PLEKHG2: variants seen among roughly 807,000 people sequenced by gnomAD.
PLEKHG2 encodes the protein pleckstrin homology and RhoGEF domain containing G2.
PLEKHG2 carries 71 observed loss-of-function variants against 104.4 expected under a neutral mutation model. That is an observed-to-expected ratio of 0.68 (90% CI 0.56 to 0.83). PLEKHG2 has a LOEUF of 0.83. Ranked by LOEUF, PLEKHG2 falls within the 40% of genes least tolerant of loss-of-function variation. The probability of loss-of-function intolerance (pLI) is 0.00; values close to 1 mark genes in which losing one functional copy is unlikely to be tolerated. For missense variants in PLEKHG2, 1,730 were observed against 1,809.4 expected, an observed-to-expected ratio of 0.96 and a Z score of 0.80; for synonymous variants, 728 against 737.0, an observed-to-expected ratio of 0.99 and a Z score of 0.20.
At chr19:39,419,510 G>A (rs1453991116) in intron 11 of PLEKHG2, among the ~76,000 whole-genome samples, 6 of 152,222 alleles carry the variant, frequency 3.9e-5, no homozygotes, top group African/African-American at 1.4e-4. Flanking sequence ...GGGAGACCAA[G>A]GCGGGCGGAT....
chr19:39,414,026 C>T (rs2078561431), intron 1 of PLEKHG2, 39 bp from the exon 2 acceptor site: 16 of 1,431,874 alleles, frequency 1.1e-5, no homozygotes, highest in Non-Finnish European at 1.5e-5. Flanking sequence ...CGGAGAGGCC[C>T]ATGGGGTCCT....
rs1438856742 is a variant in PLEKHG2, at chr19:39,423,985, C to T, written c.2852C>T (p.Ala951Val). Residue 951 changes from alanine (A) to valine (V), a missense_variant, in exon 19 of 19, where the codon GCC becomes GTC. Transcript: ENST00000425673. The stretch of plus-strand genomic sequence containing the variant: ...GGTTCCCGGCATGTCCAGGCTCCAG[C>T]CGCCACACCTTTGCCCAAGCAAGAA... ...QGGSRHVQAP[A>V]ATPLPKQEGP... 2.5e-6 allele frequency: 4 copies of T among 1,614,098 alleles called. No homozygotes were observed. Among genetic ancestry groups the T allele is most frequent in the Non-Finnish European group, 3.4e-6 (4 of 1,179,984 alleles).
rs890014276 is a variant in PLEKHG2 at position 39,417,833 on chromosome 19, T to C, written c.883-72T>C. On this transcript the variant is annotated intron_variant, in intron 8 of 18. Transcript: ENST00000425673. ...ATGGCCCTGTTGCTAACCCCCTGTT[T>C]TGGTGTGTATGTGTGTGCCACCTAC... The C allele has an allele frequency of 7.3e-6, 11 of 1,498,352 alleles. No homozygotes were observed. In the South Asian group the frequency reaches 9.1e-5, roughly 12 times the overall value. 92.8% of individuals were successfully genotyped at this position (1,498,352 alleles called of 1,614,324 possible). A position where few individuals can be genotyped will look rare whatever the true frequency, so the allele number is the denominator to read the frequency against.
At chr19:39,414,516 G>A (rs1247736440) in intron 2 of PLEKHG2, among the ~76,000 whole-genome samples, 1 of 152,226 alleles carries the variant, frequency 6.6e-6, no homozygotes, top group African/African-American at 2.4e-5. Context: ...GCAAGGAACA[G>A]CATGTGCAAA....
In PLEKHG2 at chr19:39,415,108, A is replaced by C; in HGVS notation, c.226A>C (p.Arg76=). ...GCCCACTCCAGCCTGCTCAGCCTCC[A>C]GGCCAGAGCCCCTTCCAGGGCCTCC... is the stretch of plus-strand genomic sequence containing the variant. ...PGPTPACSAS[R]PEPLPGPPIR... is the part of the protein sequence containing the mutation. The change falls in exon 3 of 19, where the codon AGG becomes CGG. Residue 76 remains arginine (R), a synonymous_variant. Transcript: ENST00000425673. The surrounding 1 kb of genome is among the most constrained non-coding windows in gnomAD (Gnocchi z 4.6). 6.3e-7 allele frequency: 1 copy of C among 1,596,286 alleles called. No homozygotes were observed. Among genetic ancestry groups the C allele is most frequent in the Non-Finnish European group, 8.5e-7 (1 of 1,171,414 alleles).
At chr19:39,414,858 T>G in intron 2 of PLEKHG2, 134 bp from the exon 3 acceptor site, 1 of 1,029,348 alleles carries the variant, frequency 9.7e-7, no homozygotes, top group African/African-American at 1.6e-5. Flanking sequence ...GACAGGGCAG[T>G]GGGGAGAGGA....
rs778744974 is a variant in PLEKHG2 at position 39,415,401 on chromosome 19, G to A, written c.441G>A (p.Thr147=). ...GGCTGAGCGTGGAGCAGGTGGGCAC[G>A]CTGTTTGCCAACATTGAGGACATCT... ...VLGLSVEQVG[T]LFANIEDIYE... The change falls in exon 4 of 19, where the codon ACG becomes ACA. Residue 147 remains threonine (T), a synonymous_variant. Coordinates refer to ENST00000425673, the MANE Select transcript of PLEKHG2 (RefSeq NM_022835.3). The surrounding 1 kb of genome is among the most constrained non-coding windows in gnomAD (Gnocchi z 4.6). 154 of 1,614,034 alleles carry A rather than the reference G, an allele frequency of 9.5e-5. No individual in the cohort carries two copies. Among genetic ancestry groups the A allele is most frequent in the Middle Eastern group, 1.6e-4 (1 of 6,084 alleles).
rs1485353795 is a variant in PLEKHG2 at position 39,424,513 on chromosome 19, C to A, written c.3380C>A (p.Ala1127Asp). 1.2e-6 allele frequency: 2 copies of A among 1,614,144 alleles called. No homozygotes were observed. Among genetic ancestry groups the A allele is most frequent in the Non-Finnish European group, 1.7e-6 (2 of 1,180,032 alleles). The change falls in exon 19 of 19, where the codon GCC becomes GAC. Residue 1127 changes from alanine to aspartate, a missense_variant. Transcript: ENST00000425673. The part of the protein sequence containing the change: ...SHLDHRIPAN[A>D]PLSLSQELPD... Reference sequence around the variant, plus strand: ...CTGGACCATCGGATCCCAGCCAACGCCCCACTGTCTTTGTCCCAGGAGCTC... The same window carrying A: ...CTGGACCATCGGATCCCAGCCAACGACCCACTGTCTTTGTCCCAGGAGCTC...
At position 39,424,764 on chromosome 19, in the gene PLEKHG2, G is replaced by A. The variant is rs1272881086; in HGVS notation, c.3631G>A (p.Ala1211Thr). ...CCTCATAGATGCCCATGTTCCAGCT[G>A]CCACACCTTTACCTGAGAGAGGAGG... ...KSLIDAHVPA[A>T]TPLPERGGSL... Residue 1211 changes from alanine (A) to threonine (T), a missense_variant, in exon 19 of 19, where the codon GCC becomes ACC. Ala to Thr is a moderately conservative substitution (Grantham distance 58). Transcript: ENST00000425673. 6.2e-7 allele frequency: 1 copy of A among 1,614,182 alleles called. No homozygotes were observed. Among genetic ancestry groups the A allele is most frequent in the East Asian group, 2.2e-5 (1 of 44,882 alleles).
In PLEKHG2 at chr19:39,422,267, G is replaced by A. The variant is rs941195665; in HGVS notation, c.1656G>A (p.Gln552=). 2.5e-6 allele frequency: 4 copies of A among 1,612,636 alleles called. No individual in the cohort carries two copies. In the East Asian group the frequency reaches 6.7e-5, roughly 27 times the overall value. ...AAGAAATCCTGGAACTGCTGAATCA[G>A]CGAGGCCTTCGAGATCCAGGGGTGA... ...ITEEILELLN[Q]RGLRDPGPST... Residue 552 remains glutamine, a synonymous_variant, in exon 17 of 19, where the codon CAG becomes CAA. Coordinates refer to ENST00000425673, the MANE Select transcript of PLEKHG2 (RefSeq NM_022835.3).
rs1247915923 is a variant in PLEKHG2, at chr19:39,423,336, T to G, written c.2282T>G (p.Phe761Cys). Residue 761 changes from phenylalanine (F) to cysteine (C), a missense_variant, in exon 18 of 19, where the codon TTC becomes TGC. Phe to Cys is a radical substitution (Grantham distance 205). Coordinates refer to ENST00000425673, the MANE Select transcript of PLEKHG2 (RefSeq NM_022835.3). ...QHQGFPDELA[F>C]RSCSEIRSAW... ...CAGGGATTCCCAGATGAGCTGGCAT[T>G]CCGCTCTTGCTCAGAAATCCGGAGC... 1.9e-6 allele frequency: 3 copies of G among 1,613,860 alleles called. No homozygotes were observed. The highest frequency in any genetic ancestry group is 2.5e-6 in the Non-Finnish European group (3 of 1,179,884).
intron 17 of PLEKHG2, 71 bp downstream of exon 17, chr19:39,422,359 GC>G: frequency 6.8e-7 from 1 of 1,474,674 alleles, no homozygotes; most frequent in Non-Finnish European, 9.1e-7. Context: ...GACCAGATAG[GC>G]CAGCCCATGC....
chr19:39,418,866 G>A, intron 10 of PLEKHG2, 40 bp downstream of exon 10: 1 of 1,596,458 alleles, frequency 6.3e-7, no homozygotes, highest in Non-Finnish European at 8.6e-7. Context: ...GGATCCCCCA[G>A]CCTCGAGACC....
At position 39,424,714 on chromosome 19, in the gene PLEKHG2, T is replaced by G. The variant is rs767521473; in HGVS notation, c.3581T>G (p.Leu1194Arg). 6.2e-7 allele frequency: 1 copy of G among 1,614,048 alleles called. No individual in the cohort carries two copies. Among genetic ancestry groups the G allele is most frequent in the Non-Finnish European group, 8.5e-7 (1 of 1,180,006 alleles). Residue 1194 changes from leucine (L) to arginine (R), a missense_variant, in exon 19 of 19, where the codon CTC becomes CGC. Coordinates refer to ENST00000425673, the MANE Select transcript of PLEKHG2 (RefSeq NM_022835.3). ...CTTACAGATACACAGGTCCAAAAAC[T>G]CACACCTTCGTTGGAGCAGAAGAGC... The part of the protein sequence containing the change: ...PSLTDTQVQK[L>R]TPSLEQKSLI...
In PLEKHG2 at chr19:39,415,304, C is replaced by T. The variant is rs553236325; in HGVS notation, c.379-35C>T. On this transcript the variant is annotated intron_variant, in intron 3 of 18. Coordinates refer to ENST00000425673, the MANE Select transcript of PLEKHG2 (RefSeq NM_022835.3). The surrounding 1 kb of genome is among the most constrained non-coding windows in gnomAD (Gnocchi z 4.6). Reference sequence around the variant, plus strand: ...AGAGGGCAGTGGGTACCCAGGCCAGCCCCTTGGCCCCCATAACCCCAGTCA... The same window carrying T: ...AGAGGGCAGTGGGTACCCAGGCCAGTCCCTTGGCCCCCATAACCCCAGTCA... 8 of 1,609,312 alleles carry T rather than the reference C, an allele frequency of 5.0e-6. No individual in the cohort carries two copies. Among genetic ancestry groups the T allele is most frequent in the East Asian group, 2.2e-5 (1 of 44,726 alleles).
rs765197443 is a variant in PLEKHG2 at position 39,423,136 on chromosome 19, G to C, written c.2082G>C (p.Trp694Cys). Residue 694 changes from tryptophan to cysteine, a missense_variant, in exon 18 of 19, where the codon TGG becomes TGC. By Grantham distance (215) the Trp-to-Cys change is radical. Coordinates refer to ENST00000425673, the MANE Select transcript of PLEKHG2 (RefSeq NM_022835.3). ...CTCCCACCCTCTCCTGTGACTCCTG[G>C]CTCCAAGGGCCTCTGCAGGAACCAG... ...SSTPTLSCDS[W>C]LQGPLQEPAE... The C allele has an allele frequency of 2.5e-6, 4 of 1,613,994 alleles. No homozygotes were observed. In the East Asian group the frequency reaches 8.9e-5, roughly 36 times the overall value.
intron 11 of PLEKHG2, among the ~76,000 whole-genome samples, chr19:39,419,835 G>A (rs1270216417): frequency 3.3e-5 from 5 of 151,084 alleles, no homozygotes; most frequent in South Asian, 2.1e-4. Context: ...CCTAGGTTGC[G>A]TCACTGCGCT....
In PLEKHG2 at chr19:39,425,308, G is replaced by T; in HGVS notation, c.*14G>T. The T allele has an allele frequency of 6.3e-7, 1 of 1,594,464 alleles. No individual in the cohort carries two copies. Among genetic ancestry groups the T allele is most frequent in the South Asian group, 1.1e-5 (1 of 88,382 alleles). ...TTCCACATGTGAGCCAGGACATGAG[G>T]CTTCCCTGAAGCAAGGATTTCAGCC... On this transcript the variant is annotated 3_prime_UTR_variant, in exon 19 of 19. Transcript: ENST00000425673.
rs543896230 is a variant in PLEKHG2, at chr19:39,416,726, C to T, written c.594-124C>T. 2.7e-6 allele frequency: 4 copies of T among 1,462,054 alleles called. No homozygotes were observed. Among genetic ancestry groups the T allele is most frequent in the East Asian group, 2.3e-5 (1 of 44,066 alleles). The allele number at this position is 1,462,054 out of a possible 1,614,324, so 90.6% of individuals were successfully genotyped here. On this transcript the variant is annotated intron_variant, in intron 6 of 18. Coordinates refer to ENST00000425673, the MANE Select transcript of PLEKHG2 (RefSeq NM_022835.3). The surrounding 1 kb of genome is among the most constrained non-coding windows in gnomAD (Gnocchi z 4.5). The stretch of plus-strand genomic sequence containing the variant: ...CTGCCAGGCTGTGACAGTAACTGAC[C>T]TCTCCCTCACTGCCCCGCCCCCTGT...
Sources: allele counts gnomAD v4.1 joint callset (sites outside exome capture counted in the v4.1 genomes callset), GRCh38; gene constraint gnomAD v4.1.1; non-coding constraint Gnocchi (gnomAD v3.1); transcripts MANE v1.5; gene names NCBI Gene and HGNC (gene_info 2026-07-23, HGNC 2026-07-21).